ERBB4: variants seen among roughly 807,000 people sequenced by gnomAD.
The protein encoded by ERBB4 is receptor tyrosine-protein kinase erbB-4.
A neutral mutation model predicts 158.0 loss-of-function variants in ERBB4; 42 were observed. The observed-to-expected ratio is 0.27, with a 90% CI of 0.21 to 0.34. The LOEUF (loss-of-function observed/expected upper bound fraction) is 0.34, where lower values mean the gene tolerates loss of function less well. Ranked by LOEUF, ERBB4 falls within the 10% of genes least tolerant of loss-of-function variation. The probability of loss-of-function intolerance (pLI) is 1.00; values close to 1 mark genes in which losing one functional copy is unlikely to be tolerated. For synonymous variants in ERBB4, 583 were observed against 558.7 expected, an observed-to-expected ratio of 1.04 and a Z score of -0.61; for missense variants, 1,333 against 1,624.1, an observed-to-expected ratio of 0.82 and a Z score of 3.08.
intron 1 of ERBB4, among the ~76,000 whole-genome samples, chr2:212,281,306 G>T (rs1253819114): frequency 6.6e-6 from 1 of 151,694 alleles, no homozygotes; most frequent in Non-Finnish European, 1.5e-5. Context: ...AAATGTAGAA[G>T]TGAGATGTTA....
intron 19 of ERBB4, among the ~76,000 whole-genome samples, chr2:211,569,383 G>A (rs546974120): frequency 4.8e-4 from 73 of 152,160 alleles, no homozygotes; most frequent in Non-Finnish European, 8.5e-4. Context: ...CTTGCTAGGT[G>A]CCTAGCACTG....
intron 3 of ERBB4, among the ~76,000 whole-genome samples, chr2:211,797,599 T>C (rs933082987): frequency 6.6e-6 from 1 of 151,970 alleles, no homozygotes; most frequent in African/African-American, 2.4e-5. Flanking sequence ...TTTTCAAATA[T>C]GTCAAGATTT....
At position 211,768,269 on chromosome 2, in the gene ERBB4, C is replaced by G. The variant is rs182161610; in HGVS notation, c.557-17565G>C. Among the ~76,000 whole-genome samples the G allele has an allele frequency of 7.2e-5, 11 of 152,308 alleles. No homozygotes were observed. In the East Asian group the frequency reaches 7.7e-4, roughly 11 times the overall value. ...GCCCCTGTGGCTCTGCAGGGTACAG[C>G]CTTCCTCCTGGCTGCTTTCAAGGCC... On this transcript the variant is annotated intron_variant, in intron 4 of 27. Transcript: ENST00000342788.
chr2:212,428,939 T>A (rs1174065518), intron 1 of ERBB4, among the ~76,000 whole-genome samples: 3 of 152,166 alleles, frequency 2.0e-5, no homozygotes, highest in Non-Finnish European at 4.4e-5. Flanking sequence ...AACCCCAGTG[T>A]ATCAGTCAGA....
At chr2:212,284,240 T>A (rs1270172372) in intron 1 of ERBB4, among the ~76,000 whole-genome samples, 9 of 152,256 alleles carry the variant, frequency 5.9e-5, no homozygotes, top group Non-Finnish European at 1.3e-4. Context: ...CCTTTTCTTC[T>A]CTGCACAAAA....
chr2:212,462,691 T>C (rs180954403), intron 1 of ERBB4, among the ~76,000 whole-genome samples: 1 of 152,140 alleles, frequency 6.6e-6, no homozygotes. Context: ...GAACACAGTA[T>C]GGATGCTCCT....
intron 3 of ERBB4, among the ~76,000 whole-genome samples, chr2:211,896,517 T>C (rs1296952203): frequency 6.6e-6 from 1 of 152,152 alleles, no homozygotes; most frequent in Admixed American, 6.6e-5. Flanking sequence ...TTTTTATTAC[T>C]ATAGTAGGTT....
At chr2:212,522,216 T>C (rs962328999) in intron 1 of ERBB4, among the ~76,000 whole-genome samples, 8 of 152,014 alleles carry the variant, frequency 5.3e-5, no homozygotes, top group African/African-American at 1.9e-4. Context: ...TCCGAGCTTC[T>C]GTTTCCTTGT....
At chr2:211,697,798 T>A (rs1444033033) in intron 12 of ERBB4, among the ~76,000 whole-genome samples, 1 of 152,196 alleles carries the variant, frequency 6.6e-6, no homozygotes, top group Admixed American at 6.5e-5. Context: ...TGATTTAGTA[T>A]TTTTGGAAGA....
Position 212,191,526 on chromosome 2 carries a change from C to A in ERBB4, c.83-66623G>T, listed in dbSNP as rs1193333121. On this transcript the variant is annotated intron_variant, in intron 1 of 27. Coordinates refer to ENST00000342788, the MANE Select transcript of ERBB4 (RefSeq NM_005235.3). ...TATAACACGTGTTATACATGTTATA[C>A]CTGTTATATATAACACATGTGTTAT... 5.0e-5 allele frequency among the ~76,000 whole-genome samples: 6 copies of A among 119,952 alleles called. 1 individual carries two copies. Among genetic ancestry groups the A allele is most frequent in the Non-Finnish European group, 9.4e-5 (5 of 53,438 alleles). 78.7% of individuals were successfully genotyped at this position (119,952 alleles called of 152,430 possible).
chr2:212,008,865 A>G (rs75691445), intron 2 of ERBB4, among the ~76,000 whole-genome samples: 7,775 of 152,220 alleles, frequency 0.051, 258 homozygotes, highest in South Asian at 0.11. Context: ...ATTCAGTCAC[A>G]GCCATGTAAA....
At chr2:212,298,322 T>C (rs2086492591) in intron 1 of ERBB4, among the ~76,000 whole-genome samples, 2 of 151,882 alleles carry the variant, frequency 1.3e-5, no homozygotes, top group African/African-American at 4.8e-5. Flanking sequence ...CAGATTTGTT[T>C]ATCTTTCTGT....
intron 2 of ERBB4, among the ~76,000 whole-genome samples, chr2:212,010,286 G>T (rs1038885397): frequency 2.6e-5 from 4 of 152,106 alleles, no homozygotes; most frequent in Non-Finnish European, 2.9e-5. Flanking sequence ...ACTGCAGCAG[G>T]ACTATCAAAT....
chr2:211,682,602 T>C (rs2072397043), intron 12 of ERBB4, among the ~76,000 whole-genome samples: 1 of 152,214 alleles, frequency 6.6e-6, no homozygotes, highest in Admixed American at 6.5e-5. Flanking sequence ...GGATATTCAA[T>C]ATTTCCAGTA....
intron 20 of ERBB4, among the ~76,000 whole-genome samples, chr2:211,457,250 C>A (rs2064405284): frequency 6.6e-6 from 1 of 152,106 alleles, no homozygotes; most frequent in Non-Finnish European, 1.5e-5. Context: ...TACAGTATTC[C>A]TAGATTAAAT....
At chr2:211,797,800 C>T (rs920207179) in intron 3 of ERBB4, among the ~76,000 whole-genome samples, 5 of 151,654 alleles carry the variant, frequency 3.3e-5, no homozygotes, top group Non-Finnish European at 5.9e-5. Context: ...ATTTTAAAAG[C>T]CACAACACGA....
At chr2:211,884,613 G>T (rs560957124) in intron 3 of ERBB4, among the ~76,000 whole-genome samples, 3 of 152,112 alleles carry the variant, frequency 2.0e-5, no homozygotes, top group East Asian at 1.9e-4. Flanking sequence ...TTTTCTAAAG[G>T]TGCCCATTTC....
chr2:211,448,414 A>G (rs2064163796), intron 20 of ERBB4, among the ~76,000 whole-genome samples: 1 of 152,004 alleles, frequency 6.6e-6, no homozygotes, highest in Admixed American at 6.6e-5. Context: ...GCCATTTATG[A>G]TTTTTTAAAG....
chr2:211,991,396 C>T (rs1377060312), intron 2 of ERBB4, among the ~76,000 whole-genome samples: 2 of 151,836 alleles, frequency 1.3e-5, no homozygotes, highest in Admixed American at 6.6e-5. Flanking sequence ...TGATGAGGGA[C>T]CTACAAAACA....
Sources: gnomAD v4.1 joint callset for allele counts (sites outside exome capture counted in the v4.1 genomes callset) on GRCh38, gnomAD v4.1.1 for gene constraint, MANE v1.5 for transcripts, NCBI Gene and HGNC (gene_info 2026-07-23, HGNC 2026-07-21) for gene names.